Variants in DAB1 observed in about 807,000 individuals in gnomAD.
The protein encoded by DAB1 is disabled homolog 1.
DAB1 carries 15 observed loss-of-function variants against 64.6 expected under a neutral mutation model. The ratio of observed to expected loss-of-function variants is 0.23; its 90% CI spans 0.16 to 0.36. The LOEUF is 0.36. Among genes scored for constraint, DAB1 ranks in the 10% least tolerant of loss-of-function variants. The pLI is 1.00. For missense variants in DAB1, 596 were observed against 706.7 expected (o/e 0.84, Z 1.78); for synonymous variants, 235 against 251.9 (o/e 0.93, Z 0.64).
intron 2 of DAB1, among the ~76,000 whole-genome samples, chr1:57,251,073 T>C (rs1450582812): frequency 2.0e-5 from 3 of 152,242 alleles, no homozygotes; most frequent in Admixed American, 2.0e-4. Context: ...ATTGGATTTA[T>C]AGAGAAACCA....
At chr1:58,009,932 T>C (rs1646643506) in intron 5 of DAB1, among the ~76,000 whole-genome samples, 1 of 152,186 alleles carries the variant, frequency 6.6e-6, no homozygotes, top group Non-Finnish European at 1.5e-5. Flanking sequence ...TTGGTTTTTA[T>C]CAATTATTTT....
Position 58,219,013 on chromosome 1 carries a change from CTCTCTCTCTCTCTG to C in DAB1, n.310-68439_310-68426del, listed in dbSNP as rs1404784565. Among the ~76,000 whole-genome samples the C allele has an allele frequency of 4.6e-4, 56 of 122,952 alleles. 2 individuals are homozygous for C. The South Asian group carries it at 8.4e-3, about 18-fold the overall frequency. The allele number at this position is 122,952 out of a possible 152,430, so 80.7% of individuals were successfully genotyped here. ...ATTCTCTCTCTCTCTCTCTCTCTCT[CTCTCTCTCTCTCTG>C]TGTGTGTGTGTGTGTGTTTCAATTT... On this transcript the variant is annotated intron_variant and non_coding_transcript_variant, in intron 4 of 20. Coordinates refer to the DAB1 transcript ENST00000485760.
At chr1:57,472,745 C>T (rs1687186134) in intron 7 of DAB1, among the ~76,000 whole-genome samples, 2 of 152,128 alleles carry the variant, frequency 1.3e-5, no homozygotes, top group Admixed American at 1.3e-4. Flanking sequence ...CTTGCCGATG[C>T]CCCCAGCCAA....
At chr1:57,785,336 A>G (rs1413630798) in intron 6 of DAB1, among the ~76,000 whole-genome samples, 1 of 152,198 alleles carries the variant, frequency 6.6e-6, no homozygotes, top group Non-Finnish European at 1.5e-5. Flanking sequence ...TCAAGGAGTA[A>G]TTTTGACTTT....
intron 5 of DAB1, among the ~76,000 whole-genome samples, chr1:58,114,839 G>A (rs1440560034): frequency 6.6e-6 from 1 of 152,196 alleles, no homozygotes; most frequent in East Asian, 1.9e-4. Context: ...AACTGTGCCA[G>A]TTGCTCATGG....
chr1:57,546,428 C>T (rs1440512860), intron 7 of DAB1, among the ~76,000 whole-genome samples: 2 of 152,146 alleles, frequency 1.3e-5, no homozygotes, highest in African/African-American at 4.8e-5. Context: ...GTTAAGACCA[C>T]AGGCTCTGAA....
chr1:57,129,868 T>C (rs542199916), intron 4 of DAB1, among the ~76,000 whole-genome samples: 1 of 152,222 alleles, frequency 6.6e-6, no homozygotes, highest in African/African-American at 2.4e-5. Flanking sequence ...TAGCATTTCA[T>C]TGTAAGCTGA....
At chr1:57,242,032 T>C (rs1315357816) in intron 2 of DAB1, among the ~76,000 whole-genome samples, 1 of 152,190 alleles carries the variant, frequency 6.6e-6, no homozygotes, top group East Asian at 1.9e-4. Flanking sequence ...TAGAAGAGTC[T>C]GTTTGAGTGA....
At chr1:58,268,534 A>C (rs191543273) in intron 4 of DAB1, among the ~76,000 whole-genome samples, 1 of 152,180 alleles carries the variant, frequency 6.6e-6, no homozygotes, top group African/African-American at 2.4e-5. Context: ...TCTAAATACT[A>C]ATCCAAGAGG....
At chr1:57,392,935 C>G (rs917970079) in intron 1 of DAB1, among the ~76,000 whole-genome samples, 3 of 152,162 alleles carry the variant, frequency 2.0e-5, no homozygotes, top group Non-Finnish European at 2.9e-5. Flanking sequence ...GAGACAGTAT[C>G]ATATTGGGAG....
chr1:58,201,021 TG>T (rs1346446685), intron 4 of DAB1, among the ~76,000 whole-genome samples: 2 of 142,270 alleles, frequency 1.4e-5, no homozygotes, highest in Non-Finnish European at 1.5e-5. Flanking sequence ...TTGTTTGTTT[TG>T]TTTTTTTTTT....
chr1:57,774,305 G>C (rs554115656), intron 6 of DAB1, among the ~76,000 whole-genome samples: 1 of 151,804 alleles, frequency 6.6e-6, no homozygotes, highest in East Asian at 1.9e-4. Flanking sequence ...TACTGAATTT[G>C]TATCCTGCAA....
intron 3 of DAB1, among the ~76,000 whole-genome samples, chr1:58,504,917 C>T (rs748751740): frequency 1.3e-5 from 2 of 151,934 alleles, no homozygotes; most frequent in Non-Finnish European, 2.9e-5. Context: ...AGAGGTACTC[C>T]GTATTTGTTG....
At chr1:58,472,614 G>C (rs556898442) in intron 3 of DAB1, among the ~76,000 whole-genome samples, 404 of 152,280 alleles carry the variant, frequency 2.7e-3, no homozygotes, top group Middle Eastern at 0.01. Flanking sequence ...GGCCTCCCCA[G>C]CTCTGCTGGG....
intron 1 of DAB1, among the ~76,000 whole-genome samples, chr1:57,847,107 C>A (rs949500144): frequency 6.6e-6 from 1 of 152,158 alleles, no homozygotes; most frequent in African/African-American, 2.4e-5. Flanking sequence ...GCTCAGGGAA[C>A]AGCCATCACT....
intron 7 of DAB1, among the ~76,000 whole-genome samples, chr1:57,548,788 A>G (rs1044653246): frequency 1.3e-5 from 2 of 152,172 alleles, no homozygotes; most frequent in Non-Finnish European, 2.9e-5. Context: ...GACTTAATAC[A>G]TGGAGGTTTT....
chr1:58,536,706 T>A, intron 1 of DAB1: 1 of 872,722 alleles, frequency 1.1e-6, no homozygotes, highest in South Asian at 1.3e-5. Flanking sequence ...TTCCTTCTTG[T>A]TAGGAGGAAG....
intron 1 of DAB1, among the ~76,000 whole-genome samples, chr1:57,845,930 A>C (rs952910047): frequency 1.3e-5 from 2 of 151,972 alleles, no homozygotes; most frequent in African/African-American, 4.8e-5. Context: ...GAATAAATAC[A>C]CTCCACTTTA....
intron 2 of DAB1, among the ~76,000 whole-genome samples, chr1:57,191,419 G>A (rs903802400): frequency 1.9e-4 from 29 of 152,170 alleles, no homozygotes; most frequent in African/African-American, 6.5e-4. Flanking sequence ...TCTATATTGG[G>A]TCTTGCTGAT....
Sources: gnomAD v4.1 joint callset for allele counts (sites outside exome capture counted in the v4.1 genomes callset) on GRCh38, gnomAD v4.1.1 for gene constraint, MANE v1.5 for transcripts, NCBI Gene and HGNC (gene_info 2026-07-23, HGNC 2026-07-21) for gene names.